Variants in ZNF578 observed in about 807,000 individuals in gnomAD.
The protein encoded by ZNF578 is Putative chemokine-related protein B42.
A neutral mutation model predicts 8.3 loss-of-function variants in ZNF578; 8 were observed. The observed-to-expected ratio is 0.96, with a 90% CI of 0.56 to 1.74. The LOEUF (loss-of-function observed/expected upper bound fraction) is 1.74. ZNF578 is among the 40% of genes most tolerant of loss of function. ZNF578 has a pLI of 0.00. For synonymous variants in ZNF578, 206 were observed against 232.2 expected (o/e 0.89, Z 1.03); for missense variants, 726 against 707.5 (o/e 1.03, Z -0.30).
chr19:52,487,905 G>A (rs1223919510), intron 2 of ZNF578, among the ~76,000 whole-genome samples: 1 of 150,930 alleles, frequency 6.6e-6, no homozygotes, highest in Non-Finnish European at 1.5e-5. Flanking sequence ...CCAAATTACT[G>A]GGATTACAGA....
At chr19:52,465,351 C>T (rs6509641) in intron 2 of ZNF578, among the ~76,000 whole-genome samples, 134,878 of 152,108 alleles carry the variant, frequency 0.89, 60,568 homozygotes, top group Non-Finnish European at 0.96. Context: ...GGCTGAACAA[C>T]TTTCTGAGTA....
chr19:52,512,216 T>TCAC lies in ZNF578; in HGVS notation c.*63_*65dup, dbSNP rs1307504067. The TCAC allele has an allele frequency of 5.0e-6, 8 of 1,605,832 alleles. No individual in the cohort carries two copies. The highest frequency in any genetic ancestry group is 2.7e-5 in the African/African-American group (2 of 74,134). On this transcript the variant is annotated 3_prime_UTR_variant, in exon 6 of 6. Transcript: ENST00000421239. ...ATGTGACAAAGTTTTCAGTCACAGATCACGCCTTAAAAGACATAGGAGAAT... is the reference window on the plus strand; with the variant it reads ...ATGTGACAAAGTTTTCAGTCACAGATCACCACGCCTTAAAAGACATAGGAGAAT...
intron 4 of ZNF578, among the ~76,000 whole-genome samples, chr19:52,502,827 C>T (rs1186106009): frequency 6.6e-6 from 1 of 152,174 alleles, no homozygotes; most frequent in East Asian, 1.9e-4. Context: ...CAGCCTCAAA[C>T]TCCTGGGCTC....
At position 52,511,758 on chromosome 19, in the gene ZNF578, ATG is replaced by A. The variant is rs774307307; in HGVS notation, c.1380_1381del (p.Cys460Ter). 17 of 1,612,976 alleles carry A rather than the reference ATG, an allele frequency of 1.1e-5. No individual in the cohort carries two copies. Among genetic ancestry groups the A allele is most frequent in the Non-Finnish European group, 1.1e-5 (13 of 1,179,772 alleles). On this transcript the variant is annotated frameshift_variant, in exon 6 of 6. Coordinates refer to ENST00000421239, the MANE Select transcript of ZNF578 (RefSeq NM_001099694.2). LOFTEE classifies it low-confidence loss of function (END_TRUNC). ...TGEKSYKCEE[C>X]DRVFSQKSNL... ...GAGAGAAATCTTACAAATGTGAAGA[ATG>A]TGACAGAGTTTTCAGTCAGAAATCA...
intron 2 of ZNF578, among the ~76,000 whole-genome samples, chr19:52,478,766 T>G (rs1463939621): frequency 1.3e-5 from 2 of 151,972 alleles, no homozygotes; most frequent in East Asian, 3.9e-4. Flanking sequence ...CAGGCTGGAG[T>G]GCAGTGGCAT....
At chr19:52,468,476 C>A (rs1217644448) in intron 2 of ZNF578, among the ~76,000 whole-genome samples, 1 of 152,190 alleles carries the variant, frequency 6.6e-6, no homozygotes, top group Non-Finnish European at 1.5e-5. Context: ...TCTCTCCTAA[C>A]CAAGTCTGGA....
Position 52,511,792 on chromosome 19 carries a change from G to T in ZNF578, c.1411G>T (p.Glu471Ter), listed in dbSNP as rs1026488926. Reference protein sequence around the residue: ...DRVFSQKSNLERHKIIHTGEK... With the variant: ...DRVFSQKSNL The stretch of plus-strand genomic sequence containing the variant: ...AGTTTTCAGTCAGAAATCAAACCTT[G>T]AGAGACACAAGATAATTCATACTGG... The change falls in exon 6 of 6, where the codon GAG becomes TAG. Residue 471 changes from glutamate (E) to a stop codon, truncating the protein, a stop_gained. Transcript: ENST00000421239. LOFTEE classifies it low-confidence loss of function (END_TRUNC). The T allele has an allele frequency of 6.8e-6, 11 of 1,612,578 alleles. No homozygotes were observed. Among genetic ancestry groups the T allele is most frequent in the African/African-American group, 4.0e-5 (3 of 74,560 alleles).
At chr19:52,502,285 A>T (rs919278419) in intron 4 of ZNF578, among the ~76,000 whole-genome samples, 8 of 152,218 alleles carry the variant, frequency 5.3e-5, no homozygotes, top group African/African-American at 1.9e-4. Flanking sequence ...GAGAAACTGC[A>T]TATGAAATAC....
Position 52,488,484 on chromosome 19 carries a change from C to T in ZNF578, c.-121-2840C>T, listed in dbSNP as rs535127152. On this transcript the variant is annotated intron_variant, in intron 2 of 5. Coordinates refer to ENST00000421239, the MANE Select transcript of ZNF578 (RefSeq NM_001099694.2). ...ATTAGCCGGGCGTGGTGGCGGGCTC[C>T]TGTAGTCCCAGCTACTCAGGAGGCT... 5.9e-5 allele frequency among the ~76,000 whole-genome samples: 9 copies of T among 152,090 alleles called. No individual in the cohort carries two copies. In the South Asian group the frequency reaches 1.9e-3, roughly 32 times the overall value.
intron 3 of ZNF578, among the ~76,000 whole-genome samples, chr19:52,494,381 C>A (rs898634445): frequency 6.6e-6 from 1 of 152,150 alleles, no homozygotes; most frequent in Non-Finnish European, 1.5e-5. Flanking sequence ...CCTGTAATTT[C>A]AGCTACTCTG....
At chr19:52,465,081 A>G (rs112674207) in intron 2 of ZNF578, among the ~76,000 whole-genome samples, 1 of 152,302 alleles carries the variant, frequency 6.6e-6, no homozygotes, top group Non-Finnish European at 1.5e-5. Flanking sequence ...TGGGTGAAAC[A>G]TGGCCTTTTT....
intron 2 of ZNF578, among the ~76,000 whole-genome samples, chr19:52,468,437 A>G (rs1047048647): frequency 5.0e-4 from 76 of 152,346 alleles, no homozygotes; most frequent in African/African-American, 1.8e-3. Context: ...GAGGAATGTA[A>G]TAAGCTATTA....
chr19:52,471,270 C>G (rs777729536), intron 2 of ZNF578, among the ~76,000 whole-genome samples: 19 of 152,166 alleles, frequency 1.2e-4, no homozygotes, highest in Non-Finnish European at 2.2e-4. Flanking sequence ...CTGTTGGCTT[C>G]CCTGGTTCAG....
intron 5 of ZNF578, 141 bp downstream of exon 5, chr19:52,504,922 C>G: frequency 3.4e-6 from 5 of 1,477,942 alleles, no homozygotes; most frequent in Non-Finnish European, 4.5e-6. Context: ...TGGATCTTTG[C>G]TCTTGTTTCC....
intron 2 of ZNF578, among the ~76,000 whole-genome samples, chr19:52,484,664 C>T (rs1295667995): frequency 6.6e-6 from 1 of 151,914 alleles, no homozygotes; most frequent in Non-Finnish European, 1.5e-5. Flanking sequence ...GTGAAAATGG[C>T]CTGTTCCTGC....
rs115331236 is a variant in ZNF578 at position 52,493,351 on chromosome 19, C to T, written c.-20+1926C>T. On this transcript the variant is annotated intron_variant, in intron 3 of 5. Coordinates refer to ENST00000421239, the MANE Select transcript of ZNF578 (RefSeq NM_001099694.2). ...GGGCCCTGCTGCTCCCGTAGTCTTC[C>T]CTCTGCAGTCACCGCTTCCCCTGAA... is the stretch of plus-strand genomic sequence containing the variant. Among the ~76,000 whole-genome samples, 817 of 152,290 alleles carry T rather than the reference C, an allele frequency of 5.4e-3. 10 individuals are homozygous for T. Among genetic ancestry groups the T allele is most frequent in the African/African-American group, 0.019 (778 of 41,566 alleles).
chr19:52,458,887 T>G (rs562063216), intron 2 of ZNF578: 1 of 152,354 alleles, frequency 6.6e-6, no homozygotes, highest in East Asian at 1.9e-4. Context: ...AAGTATTTGA[T>G]TTGTTGTAAA....
chr19:52,491,220 G>A (rs1321711900), intron 2 of ZNF578, 104 bp from the exon 3 acceptor site: 3 of 141,696 alleles, frequency 2.1e-5, no homozygotes, highest in South Asian at 4.5e-4. Context: ...GATCATGTTT[G>A]GAAAGTTTAA....
chr19:52,473,068 T>C (rs2059297065), intron 2 of ZNF578, among the ~76,000 whole-genome samples: 1 of 152,186 alleles, frequency 6.6e-6, no homozygotes, highest in Non-Finnish European at 1.5e-5. Context: ...GCATACAAAA[T>C]CTATCTGTGA....
Sources: gnomAD v4.1 joint callset for allele counts (sites outside exome capture counted in the v4.1 genomes callset) on GRCh38, gnomAD v4.1.1 for gene constraint, MANE v1.5 for transcripts, NCBI Gene and HGNC (gene_info 2026-07-23, HGNC 2026-07-21) for gene names.